The following DYRK4 variants were observed in gnomAD, a reference collection of about 807,000 sequenced individuals.
The protein encoded by DYRK4 is dual specificity tyrosine phosphorylation regulated kinase 4.
DYRK4 carries 64 observed loss-of-function variants against 68.3 expected under a neutral mutation model. The observed-to-expected ratio is 0.94, with a 90% CI of 0.77 to 1.15. DYRK4 has a LOEUF of 1.15. Ranked by LOEUF, DYRK4 falls within the 50% of genes most tolerant of loss-of-function variation. The pLI is 0.00. For synonymous variants in DYRK4, 274 were observed against 289.9 expected, an observed-to-expected ratio of 0.95 and a Z score of 0.56; for missense variants, 740 against 764.7, an observed-to-expected ratio of 0.97 and a Z score of 0.38.
At chr12:4,562,385 C>T (rs966143654) in intron 1 of DYRK4, 102 bp downstream of exon 1, 2 of 1,394,604 alleles carry the variant, frequency 1.4e-6, no homozygotes, top group African/African-American at 1.5e-5. Context: ...GAATGAAAAG[C>T]GTGCAGAATG....
intron 14 of DYRK4, chr12:4,612,952 C>G: frequency 2.3e-6 from 1 of 442,996 alleles, no homozygotes; most frequent in Non-Finnish European, 4.0e-6. Flanking sequence ...GACTAGCCTG[C>G]CATTTCTTAC....
Position 4,612,657 on chromosome 12 carries a change from C to T in DYRK4, c.1605C>T (p.Ser535=), listed in dbSNP as rs369097119. ...CCCAGACCCTGAGGAAATCCAATTC[C>T]TTTTTCCCCTCTGAGACAAGGAAGG... ...PRPQTLRKSN[S]FFPSETRKDK... The change falls in exon 14 of 15, where the codon TCC becomes TCT. Residue 535 remains serine, a synonymous_variant. Coordinates refer to ENST00000543431, the MANE Select transcript of DYRK4 (RefSeq NM_001394779.1). 1.6e-5 allele frequency: 26 copies of T among 1,614,012 alleles called. No individual in the cohort carries two copies. The highest frequency in any genetic ancestry group is 1.9e-5 in the Non-Finnish European group (23 of 1,180,010).
At chr12:4,569,379 A>G (rs12301649) in intron 2 of DYRK4, among the ~76,000 whole-genome samples, 2 of 152,170 alleles carry the variant, frequency 1.3e-5, no homozygotes, top group Admixed American at 6.5e-5. Flanking sequence ...ACAGAACAGT[A>G]TTGGTTATGA....
intron 2 of DYRK4, among the ~76,000 whole-genome samples, chr12:4,583,202 C>A (rs893062335): frequency 2.0e-5 from 3 of 152,142 alleles, no homozygotes; most frequent in African/African-American, 7.2e-5. Flanking sequence ...ACTGCAACCT[C>A]CACCTCCCAG....
intron 2 of DYRK4, among the ~76,000 whole-genome samples, chr12:4,579,977 G>T (rs1232612822): frequency 6.6e-6 from 1 of 152,176 alleles, no homozygotes; most frequent in Non-Finnish European, 1.5e-5. Context: ...GCTGTTAATT[G>T]TGTTATCTTG....
At chr12:4,593,385 T>G (rs1944979652) in intron 6 of DYRK4, among the ~76,000 whole-genome samples, 1 of 152,116 alleles carries the variant, frequency 6.6e-6, no homozygotes, top group Non-Finnish European at 1.5e-5. Flanking sequence ...GAAGACTAAT[T>G]TTCCCCCAAG....
chr12:4,590,667 C>A, intron 4 of DYRK4: 1 of 900,836 alleles, frequency 1.1e-6, no homozygotes, highest in Non-Finnish European at 1.5e-6. Flanking sequence ...CAGGAGGATT[C>A]ATTGAGGAAA....
chr12:4,612,392 TA>T, intron 13 of DYRK4, 150 bp from the exon 14 acceptor site: 1 of 784,058 alleles, frequency 1.3e-6, no homozygotes, highest in South Asian at 2.4e-5. Flanking sequence ...CAGGTACTTT[TA>T]AGTTATATGC....
intron 9 of DYRK4, 180 bp from the exon 10 acceptor site, chr12:4,599,527 G>A (rs892006708): frequency 1.9e-5 from 11 of 583,972 alleles, no homozygotes; most frequent in African/African-American, 1.1e-4. Flanking sequence ...GAGAAACGCC[G>A]ACCACAAGTC....
chr12:4,591,248 A>G lies in DYRK4; in HGVS notation c.413A>G (p.Lys138Arg). 1 of 1,614,174 alleles carries G rather than the reference A, an allele frequency of 6.2e-7. No homozygotes were observed. Among genetic ancestry groups the G allele is most frequent in the Non-Finnish European group, 8.5e-7 (1 of 1,180,024 alleles). ...CCTAGCATTAAAACCCAGGATCCCAAGGCAGAGGAGAAGTCACCAAAGAAG... is the reference window on the plus strand; with the variant it reads ...CCTAGCATTAAAACCCAGGATCCCAGGGCAGAGGAGAAGTCACCAAAGAAG... ...FHPSIKTQDP[K>R]AEEKSPKKQK... The change falls in exon 5 of 15, where the codon AAG (lysine) becomes AGG (arginine). Residue 138 changes from lysine (K) to arginine (R), a missense_variant. Physicochemically the swap from Lys to Arg is conservative, Grantham distance 26. Coordinates refer to ENST00000543431, the MANE Select transcript of DYRK4 (RefSeq NM_001394779.1). The surrounding 1 kb of genome is among the most constrained non-coding windows in gnomAD (Gnocchi z 4.1).
chr12:4,575,511 A>G (rs1305258290), intron 2 of DYRK4, among the ~76,000 whole-genome samples: 4 of 151,598 alleles, frequency 2.6e-5, no homozygotes, highest in Non-Finnish European at 5.9e-5. Flanking sequence ...GGGTTTCACT[A>G]TGTTGGCCAG....
At chr12:4,610,406 A>G in intron 13 of DYRK4, 122 bp downstream of exon 13, 1 of 1,051,358 alleles carries the variant, frequency 9.5e-7, no homozygotes, top group East Asian at 2.8e-5. Flanking sequence ...AATGCTAACA[A>G]TAGAGCTTTA....
At chr12:4,586,616 G>A (rs1347686758) in intron 2 of DYRK4, among the ~76,000 whole-genome samples, 2 of 152,008 alleles carry the variant, frequency 1.3e-5, no homozygotes, top group Admixed American at 6.5e-5. Context: ...GTGGGTATTT[G>A]AGAATGGAGT....
intron 3 of DYRK4, among the ~76,000 whole-genome samples, chr12:4,589,889 T>C (rs939338686): frequency 2.6e-5 from 4 of 152,118 alleles, no homozygotes; most frequent in African/African-American, 9.7e-5. Flanking sequence ...TGAGGAAGAT[T>C]TGTGTGATAT....
chr12:4,583,616 A>G (rs1944865711), intron 2 of DYRK4, among the ~76,000 whole-genome samples: 1 of 152,096 alleles, frequency 6.6e-6, no homozygotes, highest in Non-Finnish European at 1.5e-5. Context: ...GCTGGTCTGC[A>G]ACTCCCGACC....
intron 1 of DYRK4, chr12:4,564,338 A>G (rs1376709435): frequency 3.9e-5 from 6 of 152,050 alleles, no homozygotes; most frequent in African/African-American, 1.4e-4. Context: ...TTAAAAAATG[A>G]ATGTAACTTA....
At chr12:4,585,788 C>T (rs114357294) in intron 2 of DYRK4, among the ~76,000 whole-genome samples, 2,294 of 152,248 alleles carry the variant, frequency 0.015, 47 homozygotes, top group African/African-American at 0.051. Context: ...AATAATTTTT[C>T]AAAATGGTAT....
chr12:4,594,412 C>A (rs962086854), intron 6 of DYRK4, among the ~76,000 whole-genome samples: 1 of 152,068 alleles, frequency 6.6e-6, no homozygotes, highest in African/African-American at 2.4e-5. Flanking sequence ...TTAGTAGAGG[C>A]AGGGTTAAAC....
intron 2 of DYRK4, among the ~76,000 whole-genome samples, chr12:4,575,702 T>C (rs963005250): frequency 3.3e-5 from 5 of 152,230 alleles, no homozygotes; most frequent in Non-Finnish European, 7.3e-5. Context: ...TTTCCTCTTC[T>C]TTGAAATACT....
Sources: gnomAD v4.1 joint callset for allele counts (sites outside exome capture counted in the v4.1 genomes callset) on GRCh38, gnomAD v4.1.1 for gene constraint, Gnocchi (gnomAD v3.1) non-coding constraint, MANE v1.5 for transcripts, NCBI Gene and HGNC (gene_info 2026-07-23, HGNC 2026-07-21) for gene names.